PHACTR1: variants seen among roughly 807,000 people sequenced by gnomAD.
PHACTR1 encodes RPEL repeat containing 1.
Under a neutral mutation model 69.2 loss-of-function variants are expected in PHACTR1, and 16 were observed. The observed-to-expected ratio is 0.23, with a 90% CI of 0.16 to 0.35. PHACTR1 has a LOEUF of 0.35. Among genes scored for constraint, PHACTR1 ranks in the 10% least tolerant of loss-of-function variants. PHACTR1 has a pLI of 1.00. For missense variants in PHACTR1, 510 were observed against 734.7 expected, an observed-to-expected ratio of 0.69 and a Z score of 3.54; for synonymous variants, 312 against 284.5, an observed-to-expected ratio of 1.10 and a Z score of -0.97.
chr6:12,864,685 G>A (rs200766996), intron 4 of PHACTR1, among the ~76,000 whole-genome samples: 20 of 141,442 alleles, frequency 1.4e-4, no homozygotes, highest in Non-Finnish European at 1.5e-4. Flanking sequence ...GTCTCATAAA[G>A]AAAAAAAAAA....
At chr6:12,870,230 A>G (rs539218817) in intron 4 of PHACTR1, among the ~76,000 whole-genome samples, 50 of 152,320 alleles carry the variant, frequency 3.3e-4, no homozygotes, top group Non-Finnish European at 6.6e-4. Context: ...GCAGCAGTAC[A>G]TGTAGGTGTA....
intron 4 of PHACTR1, among the ~76,000 whole-genome samples, chr6:12,846,891 G>A (rs1274514190): frequency 2.0e-5 from 3 of 151,900 alleles, no homozygotes; most frequent in Non-Finnish European, 4.4e-5. Context: ...TGCAGCTTCT[G>A]CCTCCCATGC....
chr6:13,190,254 C>T (rs1284067227), intron 7 of PHACTR1, among the ~76,000 whole-genome samples: 3 of 139,978 alleles, frequency 2.1e-5, no homozygotes, highest in Non-Finnish European at 3.0e-5. Context: ...AGGCTGGTCT[C>T]GAACTCCTGG....
intron 4 of PHACTR1, among the ~76,000 whole-genome samples, chr6:12,949,296 G>C (rs1053897990): frequency 6.8e-6 from 1 of 146,286 alleles, no homozygotes. Context: ...AAGAAAGAAA[G>C]AAAAGGAAAA....
At chr6:13,078,121 A>G (rs115247605) in intron 5 of PHACTR1, among the ~76,000 whole-genome samples, 1,807 of 151,970 alleles carry the variant, frequency 0.012, 29 homozygotes, top group African/African-American at 0.038. Context: ...TCTTAACCCT[A>G]TGGGGCAGCT....
intron 4 of PHACTR1, among the ~76,000 whole-genome samples, chr6:13,005,326 A>G (rs1004777515): frequency 6.6e-6 from 1 of 151,838 alleles, no homozygotes; most frequent in Non-Finnish European, 1.5e-5. Flanking sequence ...ATATGTCTCT[A>G]TATATATATC....
At position 13,283,568 on chromosome 6, in the gene PHACTR1, C is replaced by T. The variant is rs866315584; in HGVS notation, c.1650+6C>T. On this transcript the variant is annotated splice_donor_region_variant and intron_variant, in intron 13 of 14. Transcript: ENST00000332995. This position sits in a 1 kb window ranked among gnomAD's most constrained non-coding sequence, Gnocchi z 4.7. ...GCCTCACCGCTGCAGACAAAGTAAGCAGAGGGGAGTGCTGGAGAGTGGGAG... is the reference window on the plus strand; with the variant it reads ...GCCTCACCGCTGCAGACAAAGTAAGTAGAGGGGAGTGCTGGAGAGTGGGAG... 1 of 1,613,782 alleles carries T rather than the reference C, an allele frequency of 6.2e-7. No individual in the cohort carries two copies. The highest frequency in any genetic ancestry group is 8.5e-7 in the Non-Finnish European group (1 of 1,179,858).
At chr6:13,007,639 A>G (rs936261214) in intron 4 of PHACTR1, among the ~76,000 whole-genome samples, 1 of 148,970 alleles carries the variant, frequency 6.7e-6, no homozygotes, top group Non-Finnish European at 1.5e-5. Flanking sequence ...CTCTGAAAAC[A>G]TGGCCTATTT....
chr6:13,223,648 G>A (rs1262718954), intron 8 of PHACTR1, among the ~76,000 whole-genome samples: 1 of 152,188 alleles, frequency 6.6e-6, no homozygotes, highest in Non-Finnish European at 1.5e-5. Flanking sequence ...TGCAGAATTT[G>A]TAATACAGTA....
intron 4 of PHACTR1, among the ~76,000 whole-genome samples, chr6:12,785,388 G>A (rs148806824): frequency 8.5e-5 from 13 of 152,282 alleles, no homozygotes; most frequent in East Asian, 3.9e-4. Context: ...TGACACATAC[G>A]GATAGGCAGA....
At chr6:13,065,791 A>G (rs1289306913) in intron 5 of PHACTR1, among the ~76,000 whole-genome samples, 2 of 152,182 alleles carry the variant, frequency 1.3e-5, no homozygotes, top group African/African-American at 2.4e-5. Context: ...TTCAGCAATG[A>G]CAATTCTCGT....
chr6:12,880,681 A>G (rs1387005380), intron 4 of PHACTR1, among the ~76,000 whole-genome samples: 1 of 152,192 alleles, frequency 6.6e-6, no homozygotes, highest in Non-Finnish European at 1.5e-5. Context: ...AATATATAAT[A>G]TGGGTTTTTA....
intron 4 of PHACTR1, chr6:12,957,859 G>T (rs926137030): frequency 1.0e-6 from 1 of 985,516 alleles, no homozygotes; most frequent in Non-Finnish European, 1.2e-6. Flanking sequence ...GGGAAGGAAG[G>T]CGAAGGGGCT....
chr6:13,147,603 T>C (rs1230422547), intron 5 of PHACTR1, among the ~76,000 whole-genome samples: 1 of 152,226 alleles, frequency 6.6e-6, no homozygotes, highest in African/African-American at 2.4e-5. Context: ...TCTGACCTAT[T>C]TGAAGAAATG....
intron 10 of PHACTR1, among the ~76,000 whole-genome samples, chr6:13,233,964 A>G (rs756758040): frequency 1.3e-5 from 2 of 152,234 alleles, no homozygotes; most frequent in Non-Finnish European, 2.9e-5. Flanking sequence ...ACAGACTGTC[A>G]GGCATGCCTA....
At chr6:13,269,594 G>A (rs1214965173) in intron 10 of PHACTR1, among the ~76,000 whole-genome samples, 1 of 152,168 alleles carries the variant, frequency 6.6e-6, no homozygotes, top group Non-Finnish European at 1.5e-5. Context: ...ACTTTGGGAG[G>A]CTGAAGCAGG....
chr6:12,923,279 T>C (rs1249840805), intron 4 of PHACTR1, among the ~76,000 whole-genome samples: 1 of 152,186 alleles, frequency 6.6e-6, no homozygotes, highest in Non-Finnish European at 1.5e-5. Flanking sequence ...GGACCTATGC[T>C]TTAATAATAA....
chr6:12,945,414 G>A (rs375401628), intron 4 of PHACTR1, among the ~76,000 whole-genome samples: 2 of 152,166 alleles, frequency 1.3e-5, no homozygotes, highest in South Asian at 2.1e-4. Context: ...TCTTGCTGTC[G>A]AGAATATTTT....
intron 4 of PHACTR1, among the ~76,000 whole-genome samples, chr6:12,818,412 A>G (rs1775833253): frequency 6.6e-6 from 1 of 152,156 alleles, no homozygotes; most frequent in African/African-American, 2.4e-5. Flanking sequence ...TGTTCATATG[A>G]TGGCAAAAGA....
Sources: gnomAD v4.1 joint callset for allele counts (sites outside exome capture counted in the v4.1 genomes callset) on GRCh38, gnomAD v4.1.1 for gene constraint, Gnocchi (gnomAD v3.1) non-coding constraint, MANE v1.5 for transcripts, NCBI Gene and HGNC (gene_info 2026-07-23, HGNC 2026-07-21) for gene names.